Variants in TM9SF3 observed in about 807,000 individuals in gnomAD.
The protein encoded by TM9SF3 is transmembrane 9 superfamily member 3, also known as SM-11044-binding protein.
Under a neutral mutation model 78.6 loss-of-function variants are expected in TM9SF3, and 14 were observed. The observed-to-expected ratio is 0.18, with a 90% confidence interval of 0.12 to 0.28. The LOEUF is 0.28. Ranked by LOEUF, TM9SF3 falls within the 10% of genes least tolerant of loss-of-function variation. TM9SF3 has a pLI of 1.00. For missense variants in TM9SF3, 496 were observed against 721.9 expected (o/e 0.69, Z 3.59); for synonymous variants, 231 against 241.7 (o/e 0.96, Z 0.41).
At chr10:96,566,154 TGTCA>T (rs1188319716) in intron 2 of TM9SF3, among the ~76,000 whole-genome samples, 2 of 152,118 alleles carry the variant, frequency 1.3e-5, no homozygotes, top group Non-Finnish European at 2.9e-5. Context: ...ATACTAAACA[TGTCA>T]ATCAAAAGAA....
intron 9 of TM9SF3, among the ~76,000 whole-genome samples, chr10:96,534,241 T>C (rs527738728): frequency 6.8e-4 from 103 of 152,324 alleles, no homozygotes; most frequent in African/African-American, 2.2e-3. Flanking sequence ...GTCATCTCCT[T>C]TTCAGATCAA....
intron 1 of TM9SF3, among the ~76,000 whole-genome samples, chr10:96,579,883 T>C (rs186389819): frequency 0.013 from 1,965 of 152,300 alleles, 32 homozygotes; most frequent in Non-Finnish European, 0.016. Flanking sequence ...TAAAATATTT[T>C]GAAATTAAAA....
chr10:96,582,372 G>A (rs1848580293), intron 1 of TM9SF3, among the ~76,000 whole-genome samples: 2 of 152,204 alleles, frequency 1.3e-5, no homozygotes, highest in African/African-American at 4.8e-5. Context: ...GGAAAATGAA[G>A]AGTTTTGGAT....
intron 14 of TM9SF3, 80 bp downstream of exon 14, chr10:96,527,133 C>G (rs996235126): frequency 3.2e-6 from 4 of 1,248,346 alleles, no homozygotes; most frequent in Non-Finnish European, 4.5e-6. Context: ...GATAAAATTT[C>G]TTAATTTCCA....
In TM9SF3 at chr10:96,521,193, AT is replaced by A. The variant is rs1847764370; in HGVS notation, c.*1069del. 3.4e-6 allele frequency: 1 copy of A among 296,472 alleles called. No homozygotes were observed. The highest frequency in any genetic ancestry group is 5.1e-5 in the East Asian group (1 of 19,432). 18.4% of individuals were successfully genotyped at this position (296,472 alleles called of 1,614,324 possible). A position where few individuals can be genotyped will look rare whatever the true frequency, so the allele number is the denominator to read the frequency against. Reference sequence around the variant, plus strand: ...TGAAGAAACCCCAATGTTTCATGCAATGGTAGGCAAGATGTAAAAGCCCACC... The same window carrying A: ...TGAAGAAACCCCAATGTTTCATGCAAGGTAGGCAAGATGTAAAAGCCCACC... On this transcript the variant is annotated 3_prime_UTR_variant, in exon 15 of 15. Coordinates refer to ENST00000371142, the MANE Select transcript of TM9SF3 (RefSeq NM_020123.4).
chr10:96,569,758 G>A (rs528115625), intron 2 of TM9SF3, among the ~76,000 whole-genome samples: 1 of 152,334 alleles, frequency 6.6e-6, no homozygotes, highest in Non-Finnish European at 1.5e-5. Context: ...GAAAGGCCGG[G>A]CGCAATGGCT....
At chr10:96,556,242 A>G (rs1848232434) in intron 5 of TM9SF3, among the ~76,000 whole-genome samples, 1 of 2,376 alleles carries the variant, frequency 4.2e-4, no homozygotes, top group South Asian at 0.12. Flanking sequence ...TCAATTTGTC[A>G]TAAATTTAGA....
At chr10:96,539,285 A>G (rs1005171763) in intron 9 of TM9SF3, among the ~76,000 whole-genome samples, 2 of 100,282 alleles carry the variant, frequency 2.0e-5, no homozygotes, top group South Asian at 5.6e-4. Context: ...TGCCTGGCCA[A>G]CATGGTGAAA....
At chr10:96,560,452 G>A (rs1848291895) in intron 4 of TM9SF3, 34 of 757,072 alleles carry the variant, frequency 4.5e-5, no homozygotes, top group Non-Finnish European at 5.9e-5. Flanking sequence ...GTTTCCCTTG[G>A]GGGCTTTGAA....
chr10:96,565,940 T>G (rs1649435127), intron 2 of TM9SF3, among the ~76,000 whole-genome samples: 1 of 152,130 alleles, frequency 6.6e-6, no homozygotes, highest in South Asian at 2.1e-4. Flanking sequence ...AGCAGGAAGA[T>G]TAAAAGGCAA....
intron 8 of TM9SF3, among the ~76,000 whole-genome samples, chr10:96,545,843 C>G (rs971522719): frequency 6.6e-6 from 1 of 152,134 alleles, no homozygotes; most frequent in African/African-American, 2.4e-5. Context: ...AAGCTGAGAT[C>G]GTGCCATTGC....
intron 1 of TM9SF3, among the ~76,000 whole-genome samples, chr10:96,581,392 C>T (rs1244375848): frequency 6.6e-6 from 1 of 152,118 alleles, no homozygotes; most frequent in African/African-American, 2.4e-5. Flanking sequence ...CATTTTCATA[C>T]AAAGGGGGAA....
chr10:96,541,614 C>A (rs1004526951), intron 9 of TM9SF3, among the ~76,000 whole-genome samples: 1 of 152,000 alleles, frequency 6.6e-6, no homozygotes, highest in South Asian at 2.1e-4. Flanking sequence ...AAACTCCTGA[C>A]CTCAAGTGAT....
intron 8 of TM9SF3, among the ~76,000 whole-genome samples, chr10:96,546,897 G>C (rs1196979697): frequency 2.0e-5 from 3 of 152,162 alleles, no homozygotes; most frequent in Admixed American, 6.5e-5. Context: ...ATAATTTTAA[G>C]GTATTTCAAC....
intron 2 of TM9SF3, among the ~76,000 whole-genome samples, chr10:96,569,177 GA>G (rs1173573852): frequency 6.6e-6 from 1 of 151,942 alleles, no homozygotes; most frequent in Non-Finnish European, 1.5e-5. Flanking sequence ...TCCAAAAAAA[GA>G]AAAAAAGGAT....
chr10:96,576,519 A>G (rs1455240447), intron 2 of TM9SF3, 115 bp downstream of exon 2: 1 of 979,410 alleles, frequency 1.0e-6, no homozygotes, highest in African/African-American at 1.7e-5. Flanking sequence ...CCTAACATGT[A>G]CATAACAGCT....
In TM9SF3 at chr10:96,560,094, G is replaced by A; in HGVS notation, c.583-358C>T. Reference sequence around the variant, plus strand: ...AAATAAGAATCTGTACATCTGCCTGGTGTAATTCTGTCCTGCGTGGCTGTT... The same window carrying A: ...AAATAAGAATCTGTACATCTGCCTGATGTAATTCTGTCCTGCGTGGCTGTT... On this transcript the variant is annotated intron_variant, in intron 4 of 14. Transcript: ENST00000371142. 11 of 627,058 alleles carry A rather than the reference G, an allele frequency of 1.8e-5. No individual in the cohort carries two copies. The South Asian group carries it at 1.8e-4, about 10-fold the overall frequency. 38.8% of individuals were successfully genotyped at this position (627,058 alleles called of 1,614,324 possible). A position where few individuals can be genotyped will look rare whatever the true frequency, so the allele number is the denominator to read the frequency against.
rs1163700155 is a variant in TM9SF3, at chr10:96,520,016, A to G, written c.*2247T>C. On this transcript the variant is annotated 3_prime_UTR_variant, in exon 15 of 15. Transcript: ENST00000371142. ...CATTTAACCCACACATTTTCAATAA[A>G]CCCTACATCTTACCTGCAAGATTCA... 6.6e-6 allele frequency: 1 copy of G among 151,840 alleles called. No homozygotes were observed. The highest frequency in any genetic ancestry group is 1.9e-4 in the East Asian group (1 of 5,200). The allele number at this position is 151,840 out of a possible 1,614,324, so 9.4% of individuals were successfully genotyped here. A position where few individuals can be genotyped will look rare whatever the true frequency, so the allele number is the denominator to read the frequency against.
At chr10:96,582,995 G>A (rs1006901096) in intron 1 of TM9SF3, among the ~76,000 whole-genome samples, 2 of 150,392 alleles carry the variant, frequency 1.3e-5, no homozygotes, top group Admixed American at 6.7e-5. Flanking sequence ...CAGGAGAATC[G>A]TTTGAACCCG....
Sources: allele counts gnomAD v4.1 joint callset (sites outside exome capture counted in the v4.1 genomes callset), GRCh38; gene constraint gnomAD v4.1.1; transcripts MANE v1.5; gene names NCBI Gene and HGNC (gene_info 2026-07-23, HGNC 2026-07-21).